FRMD3: variants seen among roughly 807,000 people sequenced by gnomAD.
FRMD3 encodes the protein FERM domain-containing protein 3.
A neutral mutation model predicts 70.2 loss-of-function variants in FRMD3; 33 were observed. The ratio of observed to expected loss-of-function variants is 0.47; its 90% confidence interval spans 0.36 to 0.63. FRMD3 has a LOEUF of 0.63. Among genes scored for constraint, FRMD3 ranks in the 20% least tolerant of loss-of-function variants. FRMD3 has a pLI of 0.00. For missense variants in FRMD3, 632 were observed against 711.4 expected, an observed-to-expected ratio of 0.89 and a Z score of 1.27; for synonymous variants, 279 against 255.9, an observed-to-expected ratio of 1.09 and a Z score of -0.86.
chr9:83,326,724 C>T (rs61226190), intron 6 of FRMD3, among the ~76,000 whole-genome samples: 15,365 of 152,124 alleles, frequency 0.1, 891 homozygotes, highest in East Asian at 0.22. Context: ...ATTTTCTGTC[C>T]GTCAAATATT....
At chr9:83,562,547 A>G in the FRMD3 span, among the ~76,000 whole-genome samples, 10 of 152,224 alleles carry the variant, frequency 6.6e-5, no homozygotes, top group African/African-American at 2.4e-4. Flanking sequence ...AAATAAATGC[A>G]GGAACATACG....
At chr9:83,368,119 T>C (rs1343216782) in intron 3 of FRMD3, among the ~76,000 whole-genome samples, 1 of 152,138 alleles carries the variant, frequency 6.6e-6, no homozygotes, top group East Asian at 1.9e-4. Context: ...TATACTGGCA[T>C]GAAACAGACC....
intron 1 of FRMD3, among the ~76,000 whole-genome samples, chr9:83,392,034 TG>T (rs1201520976): frequency 6.6e-6 from 1 of 150,748 alleles, no homozygotes; most frequent in African/African-American, 2.4e-5. Flanking sequence ...TTCCACAACA[TG>T]GGAAAAGCAC....
intron 1 of FRMD3, among the ~76,000 whole-genome samples, chr9:83,441,215 G>A (rs908814511): frequency 3.3e-5 from 5 of 152,146 alleles, no homozygotes; most frequent in Non-Finnish European, 5.9e-5. Context: ...CCTGCTGACC[G>A]AGAGACTAAG....
chr9:83,465,665 A>G (rs1828107057), intron 1 of FRMD3, among the ~76,000 whole-genome samples: 1 of 152,208 alleles, frequency 6.6e-6, no homozygotes, highest in South Asian at 2.1e-4. Context: ...TGATATAAAA[A>G]TCATATAAGA....
intron 1 of FRMD3, among the ~76,000 whole-genome samples, chr9:83,408,595 A>G (rs1826192763): frequency 6.6e-6 from 1 of 152,234 alleles, no homozygotes; most frequent in African/African-American, 2.4e-5. Flanking sequence ...GGGGCTTGAT[A>G]TGAAAACTAG....
chr9:83,453,140 G>A (rs1017060235), intron 1 of FRMD3, among the ~76,000 whole-genome samples: 3 of 152,142 alleles, frequency 2.0e-5, no homozygotes, highest in African/African-American at 7.2e-5. Context: ...ACAGGCGTAA[G>A]CCACTGCACC....
chr9:83,307,891 C>T (rs560103415), intron 10 of FRMD3, among the ~76,000 whole-genome samples: 2 of 152,082 alleles, frequency 1.3e-5, no homozygotes, highest in Non-Finnish European at 1.5e-5. Flanking sequence ...GAGCATCAAA[C>T]CCTCTGTGTT....
At chr9:83,459,499 C>T (rs949618378) in intron 1 of FRMD3, among the ~76,000 whole-genome samples, 3 of 152,220 alleles carry the variant, frequency 2.0e-5, no homozygotes, top group African/African-American at 7.2e-5. Context: ...TCGGTTCTCC[C>T]CAGGGGCGTC....
intron 1 of FRMD3, among the ~76,000 whole-genome samples, chr9:83,483,667 T>C (rs760869480): frequency 2.0e-5 from 3 of 152,124 alleles, no homozygotes; most frequent in Non-Finnish European, 4.4e-5. Flanking sequence ...GAGACCAGCC[T>C]GCGCAACATA....
At chr9:83,526,413 C>T (rs554030239) in intron 1 of FRMD3, among the ~76,000 whole-genome samples, 2 of 152,330 alleles carry the variant, frequency 1.3e-5, no homozygotes, top group South Asian at 2.1e-4. Context: ...CTTTCCTTAA[C>T]TCCCAGATTC....
intron 1 of FRMD3, among the ~76,000 whole-genome samples, chr9:83,534,405 T>C (rs1368861429): frequency 6.6e-6 from 1 of 152,206 alleles, no homozygotes; most frequent in Non-Finnish European, 1.5e-5. Flanking sequence ...CAAAATTATA[T>C]GATTTGGAAA....
In FRMD3 at chr9:83,349,811, A is replaced by G. The variant is rs183633558; in HGVS notation, c.296-54T>C. 9.6e-5 allele frequency: 132 copies of G among 1,380,958 alleles called. No homozygotes were observed. The East Asian group carries it at 2.5e-3, about 26-fold the overall frequency. 85.5% of individuals were successfully genotyped at this position (1,380,958 alleles called of 1,614,324 possible). ...AAAAGCAGCAAAAGACCATGGCCTC[A>G]AACACACACGGGAAAGGCAGCCGTG... On this transcript the variant is annotated intron_variant, in intron 3 of 13. Transcript: ENST00000304195.
At chr9:83,516,840 A>C (rs898354491) in intron 1 of FRMD3, among the ~76,000 whole-genome samples, 3 of 152,226 alleles carry the variant, frequency 2.0e-5, no homozygotes, top group South Asian at 4.1e-4. Flanking sequence ...GCACAACTAC[A>C]TGGGAACTGA....
chr9:83,422,041 G>A (rs1321579987), intron 1 of FRMD3, among the ~76,000 whole-genome samples: 4 of 152,052 alleles, frequency 2.6e-5, no homozygotes, highest in Non-Finnish European at 5.9e-5. Flanking sequence ...CCTGGCCAAC[G>A]TGGTGAAACC....
chr9:83,261,755 A>G (rs896054534), intron 13 of FRMD3, among the ~76,000 whole-genome samples: 1 of 152,018 alleles, frequency 6.6e-6, no homozygotes, highest in Non-Finnish European at 1.5e-5. Context: ...GAAACTGCAC[A>G]CTCTATCACT....
intron 1 of FRMD3, among the ~76,000 whole-genome samples, chr9:83,423,683 G>A (rs973559360): frequency 4.7e-5 from 6 of 128,880 alleles, no homozygotes; most frequent in South Asian, 2.5e-4. Flanking sequence ...TGCAACCTCC[G>A]TCTGCCAGGT....
chr9:83,322,836 T>G (rs1045241893), intron 6 of FRMD3, among the ~76,000 whole-genome samples: 1 of 152,210 alleles, frequency 6.6e-6, no homozygotes, highest in Admixed American at 6.5e-5. Context: ...CCATCTCCTC[T>G]CTGGTGAATC....
intron 1 of FRMD3, among the ~76,000 whole-genome samples, chr9:83,468,046 G>T (rs1361182220): frequency 1.3e-5 from 2 of 151,962 alleles, no homozygotes; most frequent in Admixed American, 6.6e-5. Context: ...GCCAAAAAAT[G>T]AGTTCATTGT....
Sources: allele counts gnomAD v4.1 joint callset (sites outside exome capture counted in the v4.1 genomes callset), GRCh38; gene constraint gnomAD v4.1.1; transcripts MANE v1.5; gene names NCBI Gene and HGNC (gene_info 2026-07-23, HGNC 2026-07-21).